The following DRD3 variants were observed in gnomAD, a reference collection of about 807,000 sequenced individuals.
DRD3 encodes the protein dopamine receptor D3, also known as D(3) dopamine receptor.
A neutral mutation model predicts 36.3 loss-of-function variants in DRD3; 19 were observed. The ratio of observed to expected loss-of-function variants is 0.52; its 90% CI spans 0.36 to 0.77. The LOEUF (loss-of-function observed/expected upper bound fraction) is 0.77. DRD3 is among the 30% of genes least tolerant of loss of function. DRD3 has a pLI of 0.00. For missense variants in DRD3, 465 were observed against 505.3 expected (o/e 0.92, Z 0.77); for synonymous variants, 195 against 203.7 (o/e 0.96, Z 0.36).
At chr3:114,174,963 T>G (rs984443503) in intron 1 of DRD3, among the ~76,000 whole-genome samples, 1 of 152,194 alleles carries the variant, frequency 6.6e-6, no homozygotes, top group Admixed American at 6.5e-5. Flanking sequence ...GAGATAATCA[T>G]ATCCATTCCA....
intron 5 of DRD3, among the ~76,000 whole-genome samples, chr3:114,135,984 C>T (rs1040691032): frequency 1.3e-5 from 2 of 152,186 alleles, no homozygotes; most frequent in South Asian, 2.1e-4. Flanking sequence ...AGCCACCACA[C>T]GCGGCCCCAA....
chr3:114,190,881 A>C (rs1291682238), intron 1 of DRD3, among the ~76,000 whole-genome samples: 1 of 152,106 alleles, frequency 6.6e-6, no homozygotes, highest in South Asian at 2.1e-4. Flanking sequence ...AGCTGTGTGT[A>C]TGGAAAAGGA....
chr3:114,180,816 A>C (rs1336364356), upstream of DRD3, among the ~76,000 whole-genome samples: 1 of 152,138 alleles, frequency 6.6e-6, no homozygotes, highest in Non-Finnish European at 1.5e-5. Flanking sequence ...CTTCCCTTGG[A>C]TAAGGGGACC....
chr3:114,190,001 G>C (rs2077995418), intron 1 of DRD3, among the ~76,000 whole-genome samples: 1 of 152,124 alleles, frequency 6.6e-6, no homozygotes, highest in Non-Finnish European at 1.5e-5. Context: ...GTGGGCTTGT[G>C]AAATCACACC....
At position 114,128,673 on chromosome 3, in the gene DRD3, G is replaced by T; in HGVS notation, c.*43C>A. On this transcript the variant is annotated 3_prime_UTR_variant, in exon 7 of 7. Coordinates refer to ENST00000383673, the MANE Select transcript of DRD3 (RefSeq NM_000796.6). ...TCTTTCTGAGTGGGCCAACAGCCTG[G>T]CAGCTAGAAATGGGTACAAAGAGTG... 6.6e-7 allele frequency: 1 copy of T among 1,515,764 alleles called. No individual in the cohort carries two copies. The highest frequency in any genetic ancestry group is 1.3e-5 in the South Asian group (1 of 75,584). 93.9% of individuals were successfully genotyped at this position (1,515,764 alleles called of 1,614,324 possible).
At chr3:114,159,962 T>C (rs2077718002) in intron 2 of DRD3, 95 bp from the exon 3 acceptor site, 3 of 998,188 alleles carry the variant, frequency 3.0e-6, no homozygotes, top group African/African-American at 1.6e-5. Context: ...CTAGTGTAGA[T>C]GTTGGCACTC....
At chr3:114,163,035 C>T (rs1006411999) in intron 2 of DRD3, among the ~76,000 whole-genome samples, 5 of 152,192 alleles carry the variant, frequency 3.3e-5, no homozygotes, top group Admixed American at 6.5e-5. Flanking sequence ...AGCCCTCAAG[C>T]TGTTCTCTGG....
At chr3:114,176,487 C>T (rs1250388789) in intron 1 of DRD3, among the ~76,000 whole-genome samples, 1 of 152,074 alleles carries the variant, frequency 6.6e-6, no homozygotes, top group Non-Finnish European at 1.5e-5. Context: ...TGCCTGTATT[C>T]CCAGCTACTC....
chr3:114,182,202 C>T (rs6769975), upstream of DRD3, among the ~76,000 whole-genome samples: 9,335 of 152,198 alleles, frequency 0.061, 968 homozygotes, highest in African/African-American at 0.21. Flanking sequence ...TCAACCTTAG[C>T]CCCTGTTCCT....
intron 3 of DRD3, among the ~76,000 whole-genome samples, chr3:114,150,902 T>A (rs2077611206): frequency 6.6e-6 from 1 of 152,212 alleles, no homozygotes; most frequent in East Asian, 1.9e-4. Flanking sequence ...GAAGGGCAGA[T>A]TACAGTTAGC....
intron 1 of DRD3, among the ~76,000 whole-genome samples, chr3:114,195,714 A>G (rs1029754402): frequency 2.0e-5 from 3 of 152,216 alleles, no homozygotes; most frequent in Non-Finnish European, 4.4e-5. Context: ...TAGTGCAATT[A>G]GGATACCAAA....
Position 114,131,190 on chromosome 3 carries a change from G to A in DRD3, c.934C>T (p.Leu312=), listed in dbSNP as rs1181667998. The A allele has an allele frequency of 3.1e-6, 5 of 1,614,160 alleles. No individual in the cohort carries two copies. Among genetic ancestry groups the A allele is most frequent in the East Asian group, 2.2e-5 (1 of 44,884 alleles). ...ACTCCCCGAGGTTGCAGGGGCCCCAGCTTCAAAGATGTCGATAATCTGCCA... is the reference window on the plus strand; with the variant it reads ...ACTCCCCGAGGTTGCAGGGGCCCCAACTTCAAAGATGTCGATAATCTGCCA... The part of the protein sequence containing the change: ...SNGRLSTSLK[L]GPLQPRGVPL... The change falls in exon 6 of 7, where the codon CTG becomes TTG. Residue 312 remains leucine (L), a synonymous_variant. Transcript: ENST00000383673.
chr3:114,148,632 G>C (rs1252555016), intron 3 of DRD3, among the ~76,000 whole-genome samples: 1 of 152,070 alleles, frequency 6.6e-6, no homozygotes, highest in Non-Finnish European at 1.5e-5. Context: ...TTCACTGACT[G>C]CCTTTCTTGA....
At chr3:114,173,687 C>A (rs1246915846) in intron 1 of DRD3, among the ~76,000 whole-genome samples, 1 of 152,126 alleles carries the variant, frequency 6.6e-6, no homozygotes, top group East Asian at 1.9e-4. Flanking sequence ...TTTGAAAGGT[C>A]CAGGAATCTT....
intron 4 of DRD3, among the ~76,000 whole-genome samples, chr3:114,142,421 C>T (rs551576684): frequency 1.3e-5 from 2 of 152,270 alleles, no homozygotes; most frequent in Admixed American, 6.5e-5. Context: ...CCTACCCACT[C>T]TGGGTTCTGG....
intron 2 of DRD3, among the ~76,000 whole-genome samples, chr3:114,164,244 A>AAAAAAAAAAAG (rs2077761637): frequency 6.6e-6 from 1 of 150,404 alleles, no homozygotes; most frequent in Non-Finnish European, 1.5e-5. Context: ...AAAAAAAAAA[A>AAAAAAAAAAAG]AAAAAAAAGT....
intron 1 of DRD3, among the ~76,000 whole-genome samples, chr3:114,197,447 A>T (rs983995090): frequency 2.6e-5 from 4 of 152,028 alleles, no homozygotes; most frequent in African/African-American, 9.7e-5. Flanking sequence ...GGGCATAAGT[A>T]TTAAATTTTG....
rs1468143704 is a variant in DRD3, at chr3:114,128,702, C to T, written c.*14G>A. 1.9e-6 allele frequency: 3 copies of T among 1,575,736 alleles called. No homozygotes were observed. Among genetic ancestry groups the T allele is most frequent in the Non-Finnish European group, 8.6e-7 (1 of 1,158,770 alleles). ...CTAGAAATGGGTACAAAGAGTGTTC[C>T]CTCTTCTGCTCCCTCAGCAAGACAG... On this transcript the variant is annotated 3_prime_UTR_variant, in exon 7 of 7. Coordinates refer to ENST00000383673, the MANE Select transcript of DRD3 (RefSeq NM_000796.6).
chr3:114,164,784 G>T (rs1391008531), intron 2 of DRD3, among the ~76,000 whole-genome samples: 1 of 151,990 alleles, frequency 6.6e-6, no homozygotes, highest in Non-Finnish European at 1.5e-5. Flanking sequence ...ATGGAGTCTC[G>T]CGCTGTCGCC....
Sources: allele counts gnomAD v4.1 joint callset (sites outside exome capture counted in the v4.1 genomes callset), GRCh38; gene constraint gnomAD v4.1.1; transcripts MANE v1.5; gene names NCBI Gene and HGNC (gene_info 2026-07-23, HGNC 2026-07-21).